KCNQ1: variants seen among roughly 807,000 people sequenced by gnomAD.
The protein encoded by KCNQ1 is potassium voltage-gated channel subfamily KQT member 1.
A neutral mutation model predicts 72.4 loss-of-function variants in KCNQ1; 49 were observed. The ratio of observed to expected loss-of-function variants is 0.68; its 90% CI spans 0.54 to 0.86. The LOEUF (loss-of-function observed/expected upper bound fraction) is 0.86. KCNQ1 is among the 40% of genes least tolerant of loss of function. The probability of loss-of-function intolerance (pLI) is 0.00; values close to 1 mark genes in which losing one functional copy is unlikely to be tolerated. For missense variants in KCNQ1, 790 were observed against 945.1 expected (o/e 0.84, Z 2.15); for synonymous variants, 450 against 412.6 (o/e 1.09, Z -1.10).
At chr11:2,758,945 G>C (rs1846345141) in intron 11 of KCNQ1, among the ~76,000 whole-genome samples, 1 of 152,164 alleles carries the variant, frequency 6.6e-6, no homozygotes, top group Non-Finnish European at 1.5e-5. Flanking sequence ...TTCTGGTGGG[G>C]AGGACTTCCA....
intron 1 of KCNQ1, among the ~76,000 whole-genome samples, chr11:2,505,783 T>C (rs1847094453): frequency 6.6e-6 from 1 of 152,228 alleles, no homozygotes; most frequent in Non-Finnish European, 1.5e-5. Flanking sequence ...CTGATGTTAG[T>C]GTAGCCACTC....
chr11:2,686,260 C>T (rs1850487861), intron 11 of KCNQ1: 3 of 398,618 alleles, frequency 7.5e-6, no homozygotes, highest in Admixed American at 4.4e-5. Flanking sequence ...AAATGTCTGC[C>T]ACCCCAGTAC....
chr11:2,801,976 G>T (rs987314835), intron 15 of KCNQ1, among the ~76,000 whole-genome samples: 90 of 152,242 alleles, frequency 5.9e-4, no homozygotes, highest in Non-Finnish European at 1.0e-3. Context: ...CCAGAGCAGG[G>T]TCTGGGGTCT....
In KCNQ1 at chr11:2,657,995, T is replaced by G. The variant is rs1325462871; in HGVS notation, c.1394-3966T>G. The G allele has an allele frequency of 2.5e-6, 1 of 398,470 alleles. No homozygotes were observed. The highest frequency in any genetic ancestry group is 4.4e-6 in the Non-Finnish European group (1 of 226,062). The allele number at this position is 398,470 out of a possible 1,614,324, so 24.7% of individuals were successfully genotyped here. On this transcript the variant is annotated intron_variant, in intron 10 of 15. Coordinates refer to ENST00000155840, the MANE Select transcript of KCNQ1 (RefSeq NM_000218.3). This position sits in a 1 kb window ranked among gnomAD's most constrained non-coding sequence, Gnocchi z 4.8. The stretch of plus-strand genomic sequence containing the variant: ...GTCGGCCAGGCTCCTCCACTGTAAG[T>G]GAATAGCTGTTTTTCCCTTTCCATA...
Position 2,600,648 on chromosome 11 carries a change from T to C in KCNQ1, c.1393+11794T>C, listed in dbSNP as rs753733694. Among the ~76,000 whole-genome samples the C allele has an allele frequency of 2.6e-5, 4 of 152,246 alleles. No individual in the cohort carries two copies. Among genetic ancestry groups the C allele is most frequent in the African/African-American group, 7.2e-5 (3 of 41,472 alleles). ...AATATAATACTTGGACCTAATTTAA[T>C]GCCTATGTTCCCATTTTGTCAGTTG... On this transcript the variant is annotated intron_variant, in intron 10 of 15. Coordinates refer to ENST00000155840, the MANE Select transcript of KCNQ1 (RefSeq NM_000218.3). This position sits in a 1 kb window ranked among gnomAD's most constrained non-coding sequence, Gnocchi z 5.6.
chr11:2,838,120 A>G (rs1848117228), intron 15 of KCNQ1, among the ~76,000 whole-genome samples: 1 of 152,198 alleles, frequency 6.6e-6, no homozygotes, highest in Admixed American at 6.5e-5. Flanking sequence ...CGCCAAGGGC[A>G]GTTTCAGGAA....
In KCNQ1 at chr11:2,769,603, C is replaced by T; in HGVS notation, c.1590+684C>T. ...CTCCCCTCCTGCCTTGGGGACATTC[C>T]TCGGATGAAGGCGGTGGTGGGGGGT... is the stretch of plus-strand genomic sequence containing the variant. On this transcript the variant is annotated intron_variant, in intron 12 of 15. Coordinates refer to ENST00000155840, the MANE Select transcript of KCNQ1 (RefSeq NM_000218.3). The surrounding 1 kb of genome is among the most constrained non-coding windows in gnomAD (Gnocchi z 4.6). Among the ~76,000 whole-genome samples the T allele has an allele frequency of 6.6e-6, 1 of 152,206 alleles. No homozygotes were observed. Among genetic ancestry groups the T allele is most frequent in the South Asian group, 2.1e-4 (1 of 4,830 alleles).
Position 2,652,401 on chromosome 11 carries a change from TC to T in KCNQ1, c.1394-9559del, listed in dbSNP as rs1849771477. 1 of 398,650 alleles carries T rather than the reference TC, an allele frequency of 2.5e-6. No individual in the cohort carries two copies. The highest frequency in any genetic ancestry group is 2.1e-5 in the African/African-American group (1 of 48,752). 24.7% of individuals were successfully genotyped at this position (398,650 alleles called of 1,614,324 possible). A position where few individuals can be genotyped will look rare whatever the true frequency, so the allele number is the denominator to read the frequency against. On this transcript the variant is annotated intron_variant, in intron 10 of 15. Transcript: ENST00000155840. The surrounding 1 kb of genome is among the most constrained non-coding windows in gnomAD (Gnocchi z 5.9). ...CTTAATTAGATTAAAAACATTTTTT[TC>T]TTCCTGTGTAATTTTGTCTTGAAAA...
chr11:2,644,421 CTGTT>C (rs745373571), intron 10 of KCNQ1: 2 of 398,226 alleles, frequency 5.0e-6, no homozygotes, highest in Non-Finnish European at 8.9e-6. Context: ...TCCAGAATAT[CTGTT>C]TGGTTCTTTT....
chr11:2,480,245 G>T (rs1000619989), intron 1 of KCNQ1, among the ~76,000 whole-genome samples: 1 of 152,004 alleles, frequency 6.6e-6, no homozygotes, highest in African/African-American at 2.4e-5. Context: ...CTTTACAGCC[G>T]CACCCCACTC....
In KCNQ1 at chr11:2,522,205, G is replaced by GCCC. The variant is rs369303724; in HGVS notation, c.387-5719_387-5717dup. 8.2e-3 allele frequency among the ~76,000 whole-genome samples: 1,249 copies of GCCC among 151,814 alleles called. 4 individuals carry two copies. Among genetic ancestry groups the GCCC allele is most frequent in the African/African-American group, 0.012 (517 of 41,416 alleles). ...GGGCTCCCCGCTCATGCAGCTCCCC[G>GCCC]CCCCCCGCATGACCACGCCCTCTTG... On this transcript the variant is annotated intron_variant, in intron 1 of 15. Coordinates refer to ENST00000155840, the MANE Select transcript of KCNQ1 (RefSeq NM_000218.3).
In KCNQ1 at chr11:2,484,357, G is replaced by A. The variant is rs529899951; in HGVS notation, c.386+38873G>A. On this transcript the variant is annotated intron_variant, in intron 1 of 15. Transcript: ENST00000155840. The surrounding 1 kb of genome is among the most constrained non-coding windows in gnomAD (Gnocchi z 5.2). ...ATTTTGTATTTTTAGTGGAGACGGG[G>A]TTTCATCATGTTGGCCAGGCTGGTC... is the stretch of plus-strand genomic sequence containing the variant. Among the ~76,000 whole-genome samples, 20 of 152,220 alleles carry A rather than the reference G, an allele frequency of 1.3e-4. No homozygotes were observed. Among genetic ancestry groups the A allele is most frequent in the Admixed American group, 2.6e-4 (4 of 15,296 alleles).
At chr11:2,729,131 C>G (rs231913) in intron 11 of KCNQ1, among the ~76,000 whole-genome samples, 41,100 of 152,220 alleles carry the variant, frequency 0.27, 5,925 homozygotes, top group Middle Eastern at 0.39. Context: ...GAGCTGGGCT[C>G]TCCCGGGGCC....
chr11:2,605,860 C>G (rs569286639), intron 10 of KCNQ1, among the ~76,000 whole-genome samples: 3 of 152,308 alleles, frequency 2.0e-5, no homozygotes, highest in South Asian at 2.1e-4. Flanking sequence ...TAGATCAGCA[C>G]GATTCCGGGA....
At chr11:2,460,799 A>G (rs962719753) in intron 1 of KCNQ1, among the ~76,000 whole-genome samples, 1 of 152,128 alleles carries the variant, frequency 6.6e-6, no homozygotes, top group Non-Finnish European at 1.5e-5. Context: ...GGGGGACCAG[A>G]TCTCTCTCTG....
At chr11:2,666,484 C>T (rs532761246) in intron 11 of KCNQ1, 45 of 398,688 alleles carry the variant, frequency 1.1e-4, no homozygotes, top group Middle Eastern at 6.3e-4. Flanking sequence ...CCAAGACATT[C>T]GAGTTGCTCT....
intron 15 of KCNQ1, among the ~76,000 whole-genome samples, chr11:2,801,357 G>A (rs1847260217): frequency 6.6e-6 from 1 of 152,230 alleles, no homozygotes; most frequent in East Asian, 1.9e-4. Context: ...CTGGCCAGTC[G>A]TATCAGCTGG....
At chr11:2,742,696 C>T (rs1846076808) in intron 11 of KCNQ1, among the ~76,000 whole-genome samples, 1 of 152,244 alleles carries the variant, frequency 6.6e-6, no homozygotes, top group Non-Finnish European at 1.5e-5. Context: ...AAACAAGAGC[C>T]TCGGAGAGAA....
chr11:2,722,548 C>A (rs1278111927), intron 11 of KCNQ1, among the ~76,000 whole-genome samples: 1 of 152,164 alleles, frequency 6.6e-6, no homozygotes, highest in African/African-American at 2.4e-5. Context: ...TCAGCCACGG[C>A]TGGTGGGTCC....
Sources: allele counts gnomAD v4.1 joint callset (sites outside exome capture counted in the v4.1 genomes callset), GRCh38; gene constraint gnomAD v4.1.1; non-coding constraint Gnocchi (gnomAD v3.1); transcripts MANE v1.5; gene names NCBI Gene and HGNC (gene_info 2026-07-23, HGNC 2026-07-21).